The following TTLL4 variants were observed in gnomAD, a reference collection of about 807,000 sequenced individuals.
TTLL4 encodes tubulin monoglutamylase TTLL4.
In TTLL4, 85 loss-of-function variants were observed where a neutral mutation model predicts 122.7. The ratio of observed to expected loss-of-function variants is 0.69; its 90% CI spans 0.58 to 0.83. The LOEUF (loss-of-function observed/expected upper bound fraction) is 0.83, where lower values mean the gene tolerates loss of function less well. Among genes scored for constraint, TTLL4 ranks in the 40% least tolerant of loss-of-function variants. TTLL4 has a pLI of 0.00. For missense variants in TTLL4, 1,363 were observed against 1,488.6 expected, an observed-to-expected ratio of 0.92 and a Z score of 1.39; for synonymous variants, 553 against 563.0, an observed-to-expected ratio of 0.98 and a Z score of 0.25.
intron 13 of TTLL4, 94 bp downstream of exon 13, chr2:218,749,028 C>A: frequency 7.0e-7 from 1 of 1,433,204 alleles, no homozygotes; most frequent in Non-Finnish European, 9.7e-7. Context: ...TTTGGCCATG[C>A]TGTGGTTTGG....
At chr2:218,745,052 C>T (rs577770921) in intron 5 of TTLL4, 57 bp from the exon 6 acceptor site, 18 of 1,592,216 alleles carry the variant, frequency 1.1e-5, no homozygotes, top group South Asian at 4.5e-5. Context: ...GTAGTAACGA[C>T]GCTTCAGGGC....
At chr2:218,729,747 TTAA>T (rs1241328044) in intron 2 of TTLL4, among the ~76,000 whole-genome samples, 9 of 93,574 alleles carry the variant, frequency 9.6e-5, no homozygotes, top group African/African-American at 3.1e-4. Context: ...CTCTCTCTTT[TTAA>T]AAAAAAAAAA....
chr2:218,737,206 T>G (rs1391932318), intron 2 of TTLL4, among the ~76,000 whole-genome samples: 1 of 152,180 alleles, frequency 6.6e-6, no homozygotes, highest in Non-Finnish European at 1.5e-5. Flanking sequence ...CTAGCCACAC[T>G]GGTTTTGGGT....
chr2:218,751,612 A>G (rs2106461450), intron 15 of TTLL4, 92 bp from the exon 16 acceptor site: 1 of 1,492,564 alleles, frequency 6.7e-7, no homozygotes, highest in Non-Finnish European at 8.9e-7. Context: ...TCTCTCAAGA[A>G]GGGTGTCTGC....
intron 2 of TTLL4, among the ~76,000 whole-genome samples, chr2:218,728,312 C>T (rs1045715914): frequency 6.6e-6 from 1 of 152,196 alleles, no homozygotes; most frequent in Non-Finnish European, 1.5e-5. Flanking sequence ...TTTCCTGAAA[C>T]TAGATGGTCC....
At chr2:218,722,009 T>C (rs374410523) in intron 1 of TTLL4, among the ~76,000 whole-genome samples, 1 of 152,024 alleles carries the variant, frequency 6.6e-6, no homozygotes, top group East Asian at 1.9e-4. Flanking sequence ...GGGCCAGGTG[T>C]AGGGGTTCAT....
Position 218,747,804 on chromosome 2 carries a change from C to T in TTLL4, c.2378+79C>T. On this transcript the variant is annotated intron_variant, in intron 11 of 19. Transcript: ENST00000392102. This position sits in a 1 kb window ranked among gnomAD's most constrained non-coding sequence, Gnocchi z 4.7. ...TGGAGGGAGGGAAACTAGAAGACAC[C>T]AAACAGAAAAATAGTTTTTGTTAGC... 6.4e-7 allele frequency: 1 copy of T among 1,565,386 alleles called. No individual in the cohort carries two copies. Among genetic ancestry groups the T allele is most frequent in the Non-Finnish European group, 8.7e-7 (1 of 1,150,456 alleles).
intron 5 of TTLL4, among the ~76,000 whole-genome samples, chr2:218,744,285 A>G (rs1033092673): frequency 1.3e-5 from 2 of 152,230 alleles, no homozygotes; most frequent in African/African-American, 4.8e-5. Flanking sequence ...CGTGGATTAT[A>G]TTATCTAAGT....
rs114578784 is a variant in TTLL4 at position 218,719,243 on chromosome 2, A to G, written c.-177-8026A>G. The stretch of plus-strand genomic sequence containing the variant: ...CCCCCTTCTGCCAGCGTGGCTCTGT[A>G]TTTGAGGTTAAAGATCCCCAGAGAT... On this transcript the variant is annotated intron_variant, in intron 1 of 19. Transcript: ENST00000392102. Among the ~76,000 whole-genome samples, 480 of 152,178 alleles carry G rather than the reference A, an allele frequency of 3.2e-3. 1 individual carries two copies. The highest frequency in any genetic ancestry group is 0.011 in the African/African-American group (460 of 41,516).
intron 1 of TTLL4, among the ~76,000 whole-genome samples, chr2:218,723,863 A>G (rs1942112335): frequency 1.3e-5 from 2 of 152,222 alleles, no homozygotes; most frequent in South Asian, 4.1e-4. Context: ...ACAACTTGTG[A>G]TCCTGGGCCA....
intron 3 of TTLL4, 40 bp downstream of exon 3, chr2:218,739,203 A>G (rs1942631359): frequency 2.5e-6 from 4 of 1,574,002 alleles, no homozygotes; most frequent in East Asian, 2.2e-5. Flanking sequence ...GAGCAGTAGA[A>G]TGTATATACC....
chr2:218,739,307 TGG>T, intron 3 of TTLL4, 144 bp downstream of exon 3: 1 of 951,396 alleles, frequency 1.1e-6, no homozygotes, highest in Non-Finnish European at 1.5e-6. Flanking sequence ...GGGCAAGGGT[TGG>T]GAAACTATAG....
chr2:218,759,404 A>G (rs1271285835), downstream of TTLL4, among the ~76,000 whole-genome samples: 1 of 152,254 alleles, frequency 6.6e-6, no homozygotes, highest in Non-Finnish European at 1.5e-5. Context: ...AATAAATAGA[A>G]ATAAAAAAGG....
chr2:218,740,396 G>A (rs1442225714), intron 4 of TTLL4, 125 bp from the exon 5 acceptor site: 2 of 1,068,810 alleles, frequency 1.9e-6, no homozygotes, highest in African/African-American at 3.1e-5. Context: ...CAAAGCAGCG[G>A]GGTGGTGCTT....
In TTLL4 at chr2:218,737,571, C is replaced by T. The variant is rs1401094750; in HGVS notation, c.-98-8C>T. 4.6e-6 allele frequency: 6 copies of T among 1,300,006 alleles called. No homozygotes were observed. The highest frequency in any genetic ancestry group is 4.3e-6 in the Non-Finnish European group (4 of 940,614). 80.5% of individuals were successfully genotyped at this position (1,300,006 alleles called of 1,614,324 possible). ...TGTAACATTTCCTATCATTTCTCTC[C>T]ACTTCAGACTGACAGACTTCAAGGA... On this transcript the variant is annotated splice_polypyrimidine_tract_variant and splice_region_variant and intron_variant, in intron 2 of 19. Transcript: ENST00000392102.
intron 2 of TTLL4, among the ~76,000 whole-genome samples, chr2:218,729,763 C>CAAA (rs1303308653): frequency 7.7e-6 from 1 of 129,770 alleles, no homozygotes; most frequent in African/African-American, 2.8e-5. Flanking sequence ...AAAAAAAAAA[C>CAAA]AAAAAAAAAA....
rs758024406 is a variant in TTLL4, at chr2:218,748,213, C to T, written c.2487C>T (p.Cys829=). The change falls in exon 12 of 20, where the codon TGC becomes TGT. Residue 829 remains cysteine, a synonymous_variant. Transcript: ENST00000392102. ...AGGCCAATGCAGATGAAATGGCTTG[C>T]CAGGGCCACAAATGGTACTGAGGGC... ...EYQANADEMA[C]QGHKWALKAL... 2.5e-6 allele frequency: 4 copies of T among 1,614,036 alleles called. No homozygotes were observed. The highest frequency in any genetic ancestry group is 2.5e-6 in the Non-Finnish European group (3 of 1,179,968).
chr2:218,743,196 C>T (rs529887051), intron 5 of TTLL4, among the ~76,000 whole-genome samples: 2 of 152,040 alleles, frequency 1.3e-5, no homozygotes, highest in Non-Finnish European at 2.9e-5. Flanking sequence ...AATTCCTCCT[C>T]CTCCTACCCT....
intron 14 of TTLL4, 75 bp from the exon 15 acceptor site, chr2:218,749,934 G>A (rs755476033): frequency 3.2e-6 from 5 of 1,562,512 alleles, no homozygotes; most frequent in East Asian, 4.5e-5. Context: ...AATGAGACTA[G>A]CCCTGAGTTG....
Sources: gnomAD v4.1 joint callset for allele counts (sites outside exome capture counted in the v4.1 genomes callset) on GRCh38, gnomAD v4.1.1 for gene constraint, Gnocchi (gnomAD v3.1) non-coding constraint, MANE v1.5 for transcripts, NCBI Gene and HGNC (gene_info 2026-07-23, HGNC 2026-07-21) for gene names.